MORF4L1: variants seen among roughly 807,000 people sequenced by gnomAD.
MORF4L1 encodes mortality factor 4-like protein 1.
Under a neutral mutation model 52.9 loss-of-function variants are expected in MORF4L1, and 4 were observed. The ratio of observed to expected loss-of-function variants is 0.08; its 90% CI spans 0.04 to 0.17. MORF4L1 has a LOEUF of 0.17. MORF4L1 is among the 10% of genes least tolerant of loss of function. The probability of loss-of-function intolerance (pLI) is 1.00; values close to 1 mark genes in which losing one functional copy is unlikely to be tolerated. For missense variants in MORF4L1, 214 were observed against 390.4 expected (o/e 0.55, Z 3.81); for synonymous variants, 123 against 134.8 (o/e 0.91, Z 0.61).
chr15:78,893,454 C>T (rs2056834021), intron 8 of MORF4L1, 85 bp from the exon 9 acceptor site: 4 of 865,380 alleles, frequency 4.6e-6, no homozygotes, highest in South Asian at 2.8e-5. Flanking sequence ...TTACTGTTAC[C>T]TGATCTTTGT....
chr15:78,882,814 A>G (rs1445306310), intron 3 of MORF4L1, among the ~76,000 whole-genome samples: 2 of 34,906 alleles, frequency 5.7e-5, no homozygotes, highest in African/African-American at 1.0e-4. Context: ...GGTGGTGCCT[A>G]TAGTTTTAGC....
intron 1 of MORF4L1, chr15:78,877,761 T>C (rs1213610601): frequency 6.5e-6 from 1 of 152,986 alleles, no homozygotes; most frequent in African/African-American, 2.4e-5. Context: ...CTCTGATGCA[T>C]ATTGATATTT....
rs1451454595 is a variant in MORF4L1, at chr15:78,894,852, C to T, written c.835C>T (p.Leu279=). 12 of 1,613,642 alleles carry T rather than the reference C, an allele frequency of 7.4e-6. No homozygotes were observed. The highest frequency in any genetic ancestry group is 9.3e-6 in the Non-Finnish European group (11 of 1,179,696). Residue 279 remains leucine, a synonymous_variant, in exon 11 of 12, where the codon CTG becomes TTG. Transcript: ENST00000426013. ...TGGAGCAATGTTGGCTTATACACCT[C>T]TGGATGAGAAGAGCCTTGCTTTATT... ...RIGAMLAYTP[L]DEKSLALLLN... is the part of the protein sequence containing the mutation.
intron 1 of MORF4L1, chr15:78,876,468 C>G (rs1171620188): frequency 2.6e-5 from 12 of 453,892 alleles, no homozygotes; most frequent in Non-Finnish European, 3.5e-5. Flanking sequence ...TCATACTCCT[C>G]AGCTAGCTGT....
chr15:78,894,752 A>ATTCCT, intron 10 of MORF4L1, 68 bp from the exon 11 acceptor site: 1 of 1,205,030 alleles, frequency 8.3e-7, no homozygotes, highest in Non-Finnish European at 1.2e-6. Context: ...TGCTCACATA[A>ATTCCT]TTAAAATACA....
intron 2 of MORF4L1, among the ~76,000 whole-genome samples, chr15:78,878,746 A>G (rs2056542652): frequency 6.6e-6 from 1 of 152,232 alleles, no homozygotes; most frequent in East Asian, 1.9e-4. Context: ...CTCAAGTTAT[A>G]AAAACTGATT....
intron 8 of MORF4L1, chr15:78,892,595 G>A (rs544069172): frequency 3.6e-6 from 1 of 278,968 alleles, no homozygotes; most frequent in Non-Finnish European, 6.7e-6. Flanking sequence ...ATTCATAAAG[G>A]TGAAGAAGCA....
At chr15:78,880,954 TATTTC>T (rs2056591271) in intron 3 of MORF4L1, among the ~76,000 whole-genome samples, 1 of 151,906 alleles carries the variant, frequency 6.6e-6, no homozygotes, top group African/African-American at 2.4e-5. Flanking sequence ...TTATATATGT[TATTTC>T]AAGCAGCTGT....
At chr15:78,876,158 G>T (rs147441242) in intron 1 of MORF4L1, among the ~76,000 whole-genome samples, 3 of 151,828 alleles carry the variant, frequency 2.0e-5, no homozygotes, top group Non-Finnish European at 2.9e-5. Context: ...GGATGGTCTC[G>T]ATCTCCTGAC....
At chr15:78,880,675 T>C in intron 3 of MORF4L1, 96 bp downstream of exon 3, 2 of 840,078 alleles carry the variant, frequency 2.4e-6, no homozygotes, top group Non-Finnish European at 3.8e-6. Context: ...TCTGCAGTTT[T>C]AATGTAATAT....
chr15:78,881,697 G>A (rs1334123884), intron 3 of MORF4L1, among the ~76,000 whole-genome samples: 1 of 152,176 alleles, frequency 6.6e-6, no homozygotes, highest in African/African-American at 2.4e-5. Flanking sequence ...GTAATGAAAA[G>A]ACTTGTAATT....
chr15:78,876,887 A>G (rs1442670350), intron 1 of MORF4L1, among the ~76,000 whole-genome samples: 3 of 152,150 alleles, frequency 2.0e-5, no homozygotes, highest in African/African-American at 7.2e-5. Flanking sequence ...GAGTCTAATA[A>G]TATGGGTCTT....
rs775870240 is a variant in MORF4L1 at position 78,898,052 on chromosome 15, T to G, written c.*985T>G. ...CAGCTTTTTTCTGTCTATAATTGTT[T>G]ACTTTTGTGGGTTTACTCTAGAAAC... On this transcript the variant is annotated 3_prime_UTR_variant, in exon 12 of 12. Coordinates refer to ENST00000426013, the MANE Select transcript of MORF4L1 (RefSeq NM_006791.4). The G allele has an allele frequency of 1.3e-5, 2 of 152,250 alleles. No individual in the cohort carries two copies. The highest frequency in any genetic ancestry group is 2.9e-5 in the Non-Finnish European group (2 of 68,050). 9.4% of individuals were successfully genotyped at this position (152,250 alleles called of 1,614,324 possible).
At chr15:78,875,282 T>G (rs2056463648) in intron 1 of MORF4L1, among the ~76,000 whole-genome samples, 1 of 152,178 alleles carries the variant, frequency 6.6e-6, no homozygotes, top group South Asian at 2.1e-4. Flanking sequence ...TCTAGAGGGT[T>G]GCTAGTTAAG....
intron 8 of MORF4L1, chr15:78,892,561 C>T: frequency 2.9e-6 from 1 of 343,906 alleles, no homozygotes; most frequent in African/African-American, 2.1e-5. Context: ...TTGGAGATTG[C>T]TAGGGCAGGA....
intron 11 of MORF4L1, among the ~76,000 whole-genome samples, chr15:78,895,235 A>G (rs1222380117): frequency 1.3e-5 from 2 of 152,204 alleles, no homozygotes; most frequent in African/African-American, 4.8e-5. Context: ...AAGATAATGA[A>G]AGGAGAAATG....
intron 2 of MORF4L1, among the ~76,000 whole-genome samples, chr15:78,878,765 A>C (rs2141591238): frequency 6.6e-6 from 1 of 152,358 alleles, no homozygotes; most frequent in Non-Finnish European, 1.5e-5. Context: ...TTTTACATTT[A>C]GCTGAAGGTA....
In MORF4L1 at chr15:78,877,440, T is replaced by TA. The variant is rs2056516793; in HGVS notation, c.41-767dup. Among the ~76,000 whole-genome samples, 7 of 152,282 alleles carry TA rather than the reference T, an allele frequency of 4.6e-5. 1 individual carries two copies. The South Asian group carries it at 1.4e-3, about 32-fold the overall frequency. On this transcript the variant is annotated intron_variant, in intron 1 of 11. Transcript: ENST00000426013. ...CCGCCTGCTCTTTTAATTTTAGAGC[T>TA]AAAAAAGAGCTGACATTCTTGGATA...
rs969561446 is a variant in MORF4L1, at chr15:78,886,134, T to C, written c.156-7T>C. ...TTGAGTTAAATTTTAACTTTCCTCT[T>C]TTTCAGTTGGGATGAATGGGTTCCG... On this transcript the variant is annotated splice_polypyrimidine_tract_variant and splice_region_variant and intron_variant, in intron 3 of 11. Coordinates refer to ENST00000426013, the MANE Select transcript of MORF4L1 (RefSeq NM_006791.4). 53 of 1,611,688 alleles carry C rather than the reference T, an allele frequency of 3.3e-5. No individual in the cohort carries two copies. Among genetic ancestry groups the C allele is most frequent in the Non-Finnish European group, 4.3e-5 (51 of 1,177,948 alleles).
Sources: allele counts gnomAD v4.1 joint callset (sites outside exome capture counted in the v4.1 genomes callset), GRCh38; gene constraint gnomAD v4.1.1; transcripts MANE v1.5; gene names NCBI Gene and HGNC (gene_info 2026-07-23, HGNC 2026-07-21).